The following FHIT variants were observed in gnomAD, a reference collection of about 807,000 sequenced individuals.
FHIT encodes fragile histidine triad diadenosine triphosphatase.
FHIT carries 19 observed loss-of-function variants against 17.9 expected under a neutral mutation model. The observed-to-expected ratio is 1.06, with a 90% confidence interval of 0.74 to 1.56. FHIT has a LOEUF of 1.56. Ranked by LOEUF, FHIT falls within the 40% of genes most tolerant of loss-of-function variation. FHIT has a pLI of 0.00. For synonymous variants in FHIT, 81 were observed against 69.7 expected (o/e 1.16, Z -0.81); for missense variants, 248 against 189.2 (o/e 1.31, Z -1.82).
At chr3:61,047,236 C>T (rs920664624) in intron 2 of FHIT, among the ~76,000 whole-genome samples, 2 of 152,126 alleles carry the variant, frequency 1.3e-5, no homozygotes, top group Non-Finnish European at 2.9e-5. Flanking sequence ...AAAACCCCAT[C>T]GTCTCAGCCC....
chr3:61,216,973 A>C (rs971266018), intron 1 of FHIT, among the ~76,000 whole-genome samples: 1 of 133,642 alleles, frequency 7.5e-6, no homozygotes, highest in African/African-American at 2.8e-5. Flanking sequence ...GAAGGGGAAT[A>C]TCACACTCTG....
chr3:60,015,068 A>C (rs1427889026), intron 5 of FHIT, among the ~76,000 whole-genome samples: 1 of 151,828 alleles, frequency 6.6e-6, no homozygotes, highest in African/African-American at 2.4e-5. Context: ...TTAGATACTA[A>C]CAAGAGAAAC....
chr3:59,801,921 C>G (rs938363292), intron 8 of FHIT, among the ~76,000 whole-genome samples: 3 of 152,206 alleles, frequency 2.0e-5, no homozygotes, highest in Non-Finnish European at 4.4e-5. Context: ...GTCCCTAGGT[C>G]CATACCTAAT....
At chr3:60,040,441 G>C (rs1054795476) in intron 5 of FHIT, among the ~76,000 whole-genome samples, 1 of 152,118 alleles carries the variant, frequency 6.6e-6, no homozygotes, top group African/African-American at 2.4e-5. Flanking sequence ...ACCGCGCCTG[G>C]CCTTTCCTTC....
intron 5 of FHIT, among the ~76,000 whole-genome samples, chr3:60,485,499 T>C (rs1227970254): frequency 6.6e-6 from 1 of 152,176 alleles, no homozygotes; most frequent in African/African-American, 2.4e-5. Context: ...TCATGTCCTT[T>C]GCAGGGACAT....
At chr3:60,964,925 TGAG>T (rs1709647094) in intron 3 of FHIT, among the ~76,000 whole-genome samples, 1 of 152,168 alleles carries the variant, frequency 6.6e-6, no homozygotes, top group Non-Finnish European at 1.5e-5. Context: ...TTGCTCTTCT[TGAG>T]GAGTATCTTT....
At chr3:60,281,971 A>G (rs1452585695) in intron 5 of FHIT, among the ~76,000 whole-genome samples, 1 of 152,178 alleles carries the variant, frequency 6.6e-6, no homozygotes, top group African/African-American at 2.4e-5. Context: ...GTATATACCT[A>G]TTAGGATAGC....
intron 5 of FHIT, among the ~76,000 whole-genome samples, chr3:60,085,761 GTTTATCT>G (rs1703468469): frequency 6.6e-6 from 1 of 152,170 alleles, no homozygotes; most frequent in Non-Finnish European, 1.5e-5. Context: ...TGGACAAGTT[GTTTATCT>G]TTTGAGTTTC....
chr3:60,001,481 G>A (rs550553810), intron 7 of FHIT, among the ~76,000 whole-genome samples: 1 of 152,250 alleles, frequency 6.6e-6, no homozygotes, highest in Admixed American at 6.5e-5. Flanking sequence ...AAAAACATGA[G>A]TAGGCAGGAT....
At chr3:60,464,925 A>C (rs1023889655) in intron 5 of FHIT, among the ~76,000 whole-genome samples, 5 of 151,932 alleles carry the variant, frequency 3.3e-5, no homozygotes, top group African/African-American at 1.2e-4. Flanking sequence ...CTTTTGAGTA[A>C]CCTCCAAACT....
At chr3:60,095,398 C>T (rs1433942030) in intron 5 of FHIT, among the ~76,000 whole-genome samples, 1 of 152,198 alleles carries the variant, frequency 6.6e-6, no homozygotes, top group East Asian at 1.9e-4. Context: ...TTTTCAATTG[C>T]TTCTCTCATT....
In FHIT at chr3:59,748,061, T is replaced by C. The variant is rs570747969; in HGVS notation, c.*1524A>G. Reference sequence around the variant, plus strand: ...CTCTAATGGTGGCTAGCCTCACTTTTTAACACAGAGACTGAATCTCACTCC... The same window carrying C: ...CTCTAATGGTGGCTAGCCTCACTTTCTAACACAGAGACTGAATCTCACTCC... On this transcript the variant is annotated 3_prime_UTR_variant, in exon 10 of 10. Transcript: ENST00000492590. 2.6e-5 allele frequency among the ~76,000 whole-genome samples: 4 copies of C among 152,296 alleles called. No homozygotes were observed. Among genetic ancestry groups the C allele is most frequent in the Non-Finnish European group, 5.9e-5 (4 of 68,016 alleles).
At chr3:60,050,478 T>C (rs1357721129) in intron 5 of FHIT, among the ~76,000 whole-genome samples, 1 of 152,104 alleles carries the variant, frequency 6.6e-6, no homozygotes, top group Non-Finnish European at 1.5e-5. Context: ...TAGGCTTAGG[T>C]ACTTGCCATT....
intron 8 of FHIT, among the ~76,000 whole-genome samples, chr3:59,827,752 G>T (rs939406438): frequency 4.6e-5 from 7 of 152,276 alleles, no homozygotes; most frequent in Admixed American, 3.3e-4. Context: ...GTTTTCAGTT[G>T]TCTGAAATTT....
chr3:60,043,827 A>T (rs1701543422), intron 5 of FHIT, among the ~76,000 whole-genome samples: 1 of 152,180 alleles, frequency 6.6e-6, no homozygotes, highest in South Asian at 2.1e-4. Context: ...GCTGATTAGT[A>T]TTTGATGTGC....
chr3:60,075,337 C>T (rs948346294), intron 5 of FHIT, among the ~76,000 whole-genome samples: 1 of 151,944 alleles, frequency 6.6e-6, no homozygotes. Flanking sequence ...CCAAGATCCA[C>T]GAATGTAAGC....
At chr3:60,069,582 ATT>A (rs1228102959) in intron 5 of FHIT, among the ~76,000 whole-genome samples, 2 of 152,314 alleles carry the variant, frequency 1.3e-5, no homozygotes, top group East Asian at 3.9e-4. Context: ...TTTTAAAGAG[ATT>A]TTCAGTTAAC....
chr3:60,741,314 CA>C (rs1553713809), intron 4 of FHIT, among the ~76,000 whole-genome samples: 1 of 152,180 alleles, frequency 6.6e-6, no homozygotes, highest in African/African-American at 2.4e-5. Flanking sequence ...TCATTTTTGA[CA>C]GTGGATCTGA....
At chr3:61,224,294 G>C (rs1336639495) in intron 1 of FHIT, among the ~76,000 whole-genome samples, 2 of 152,164 alleles carry the variant, frequency 1.3e-5, no homozygotes, top group African/African-American at 4.8e-5. Flanking sequence ...TTGGAGTAGG[G>C]ATTTGGTTCA....
Sources: gnomAD v4.1 joint callset for allele counts (sites outside exome capture counted in the v4.1 genomes callset) on GRCh38, gnomAD v4.1.1 for gene constraint, MANE v1.5 for transcripts, NCBI Gene and HGNC (gene_info 2026-07-23, HGNC 2026-07-21) for gene names.